EVC: variants seen among roughly 807,000 people sequenced by gnomAD.
EVC encodes the protein evC complex member EVC.
Under a neutral mutation model 118.9 loss-of-function variants are expected in EVC, and 116 were observed. That is an observed-to-expected ratio of 0.98 (90% CI 0.84 to 1.14). EVC has a LOEUF of 1.14. EVC is among the 50% of genes most tolerant of loss of function. The pLI is 0.00. For missense variants in EVC, 1,401 were observed against 1,246.4 expected (o/e 1.12, Z -1.87); for synonymous variants, 619 against 534.7 (o/e 1.16, Z -2.18).
At chr4:5,768,730 G>C (rs1577503488) in intron 11 of EVC, among the ~76,000 whole-genome samples, 2 of 151,978 alleles carry the variant, frequency 1.3e-5, no homozygotes, top group Non-Finnish European at 2.9e-5. Flanking sequence ...GGTGGTGGGT[G>C]CCTGTTATCC....
chr4:5,787,828 C>G (rs1043760465), intron 12 of EVC, among the ~76,000 whole-genome samples: 1 of 152,128 alleles, frequency 6.6e-6, no homozygotes, highest in Non-Finnish European at 1.5e-5. Context: ...CTCCCTCTGG[C>G]TCTGCACCCC....
chr4:5,775,838 A>G (rs935173426), intron 11 of EVC, among the ~76,000 whole-genome samples: 1 of 152,304 alleles, frequency 6.6e-6, no homozygotes, highest in East Asian at 1.9e-4. Flanking sequence ...TATATCTCAT[A>G]TAGTTGTTGA....
At chr4:5,757,157 T>TGGGGA (rs1387329398) in intron 11 of EVC, among the ~76,000 whole-genome samples, 1 of 152,190 alleles carries the variant, frequency 6.6e-6, no homozygotes, top group African/African-American at 2.4e-5. Context: ...GGACTGTGTT[T>TGGGGA]GGGGACCCGA....
intron 6 of EVC, among the ~76,000 whole-genome samples, chr4:5,744,359 T>A (rs1472281090): frequency 6.6e-6 from 1 of 152,212 alleles, no homozygotes; most frequent in Non-Finnish European, 1.5e-5. Context: ...TCAATGTTAT[T>A]TTTCCTAGTG....
At chr4:5,801,671 CAAAAAAAA>C in intron 15 of EVC, 144 of 247,540 alleles carry the variant, frequency 5.8e-4, no homozygotes, top group South Asian at 1.5e-3. Flanking sequence ...GTCTCCATCT[CAAAAAAAA>C]AAAAAAAAAA....
chr4:5,741,756 T>C lies in EVC; in HGVS notation c.743T>C (p.Leu248Pro), dbSNP rs1728617955. 1 of 1,575,418 alleles carries C rather than the reference T, an allele frequency of 6.3e-7. No homozygotes were observed. Among genetic ancestry groups the C allele is most frequent in the Non-Finnish European group, 8.7e-7 (1 of 1,146,356 alleles). Residue 248 changes from leucine to proline, a missense_variant, in exon 6 of 21, where the codon CTT becomes CCT. Leu to Pro is a moderately conservative substitution (Grantham distance 98). Transcript: ENST00000264956. The stretch of plus-strand genomic sequence containing the variant: ...TTTAAAATGTGCCTCCTTGACCTTC[T>C]TCCTAAAAAGAAGTCAGATGATGAA... The part of the protein sequence containing the change: ...QIFKMCLLDL[L>P]PKKKSDDELY...
chr4:5,821,909 C>G, the EVC span: 1 of 1,317,314 alleles, frequency 7.6e-7, no homozygotes, highest in South Asian at 1.3e-5. The surrounding 1 kb of genome is among the most constrained non-coding windows in gnomAD (Gnocchi z 4.4). Context: ...TTCCACGCTG[C>G]TCCTGGAGGC....
Position 5,799,500 on chromosome 4 carries a change from C to T in EVC, c.2304+708C>T, listed in dbSNP as rs547242988. The stretch of plus-strand genomic sequence containing the variant: ...CAGCCTCCAACCTAGTGAGTGGCAG[C>T]GCCGGGGCTGCAGGAGAATGACCAG... On this transcript the variant is annotated intron_variant, in intron 15 of 20. Transcript: ENST00000264956. 1.1e-4 allele frequency among the ~76,000 whole-genome samples: 16 copies of T among 152,298 alleles called. No homozygotes were observed. In the South Asian group the frequency reaches 3.1e-3, roughly 30 times the overall value.
rs1415580862 is a variant in EVC at position 5,811,191 on chromosome 4, C to G, written c.*154C>G. 2 of 673,288 alleles carry G rather than the reference C, an allele frequency of 3.0e-6. No individual in the cohort carries two copies. The highest frequency in any genetic ancestry group is 5.3e-6 in the Non-Finnish European group (2 of 379,294). 41.7% of individuals were successfully genotyped at this position (673,288 alleles called of 1,614,324 possible). On this transcript the variant is annotated 3_prime_UTR_variant, in exon 21 of 21. Transcript: ENST00000264956. Reference sequence around the variant, plus strand: ...GACAGAGAAAGAATAGAAATGTGCCCTAAAAGCATAAATGAGTATCACCTG... The same window carrying G: ...GACAGAGAAAGAATAGAAATGTGCCGTAAAAGCATAAATGAGTATCACCTG...
At chr4:5,806,613 T>C (rs574907230) in intron 17 of EVC, among the ~76,000 whole-genome samples, 49 of 152,332 alleles carry the variant, frequency 3.2e-4, no homozygotes, top group African/African-American at 1.1e-3. Flanking sequence ...CTTAGGTTGA[T>C]TCCATATCTT....
At chr4:5,781,657 C>G (rs1467326949) in intron 11 of EVC, among the ~76,000 whole-genome samples, 1 of 151,994 alleles carries the variant, frequency 6.6e-6, no homozygotes, top group Non-Finnish European at 1.5e-5. Flanking sequence ...AGCAACACAG[C>G]AAAACCTCAT....
At position 5,753,855 on chromosome 4, in the gene EVC, C is replaced by CA. The variant is rs1317662938; in HGVS notation, c.1387dup (p.Thr463AsnfsTer14). 2 of 1,613,966 alleles carry CA rather than the reference C, an allele frequency of 1.2e-6. No individual in the cohort carries two copies. Among genetic ancestry groups the CA allele is most frequent in the Non-Finnish European group, 1.7e-6 (2 of 1,180,032 alleles). ...ACCAGGTGGAGGGAACGGCAAAACT[C>CA]ACGCTGGCCCAAGAGGAGGAACAGA... On this transcript the variant is annotated frameshift_variant, in exon 10 of 21. Transcript: ENST00000264956. LOFTEE classifies it high-confidence loss of function.
At chr4:5,820,950 C>T in the EVC span, 4 of 152,250 alleles carry the variant, frequency 2.6e-5, no homozygotes, top group African/African-American at 9.6e-5. Flanking sequence ...GACCAGGACT[C>T]AGGCCACGCA....
intron 11 of EVC, among the ~76,000 whole-genome samples, chr4:5,780,089 A>G (rs1043111297): frequency 6.6e-6 from 1 of 152,274 alleles, no homozygotes; most frequent in South Asian, 2.1e-4. Flanking sequence ...TTCTGCATCT[A>G]TTGAGATAAT....
chr4:5,756,757 C>T lies in EVC; in HGVS notation c.1563+395C>T, dbSNP rs758028500. On this transcript the variant is annotated intron_variant, in intron 11 of 20. Transcript: ENST00000264956. The surrounding 1 kb of genome is among the most constrained non-coding windows in gnomAD (Gnocchi z 4.2). ...ACGTCAGAGATCACATGCCACACCA[C>T]CTCTTTCCCCTGTGCAACCGTGTGC... Among the ~76,000 whole-genome samples the T allele has an allele frequency of 3.3e-5, 5 of 152,126 alleles. No homozygotes were observed. The highest frequency in any genetic ancestry group is 4.8e-5 in the African/African-American group (2 of 41,436).
intron 11 of EVC, among the ~76,000 whole-genome samples, chr4:5,759,203 C>G (rs891600649): frequency 2.6e-5 from 4 of 152,132 alleles, no homozygotes; most frequent in African/African-American, 7.2e-5. Flanking sequence ...CGCAGAGGGT[C>G]AGTCTGAGGA....
intron 11 of EVC, among the ~76,000 whole-genome samples, chr4:5,762,649 C>G (rs1225962851): frequency 6.7e-6 from 1 of 149,928 alleles, no homozygotes; most frequent in Non-Finnish European, 1.5e-5. Flanking sequence ...TCTCTGATGG[C>G]CATTGATGGT....
intron 7 of EVC, among the ~76,000 whole-genome samples, chr4:5,747,723 AG>A (rs1356742415): frequency 3.3e-5 from 5 of 152,256 alleles, no homozygotes; most frequent in Non-Finnish European, 7.3e-5. Flanking sequence ...TTGTACTTTT[AG>A]GACAATAACT....
chr4:5,793,631 G>T lies in EVC; in HGVS notation c.1800G>T (p.Leu600=), dbSNP rs1713204688. 1.3e-6 allele frequency: 2 copies of T among 1,551,884 alleles called. No individual in the cohort carries two copies. Among genetic ancestry groups the T allele is most frequent in the East Asian group, 2.4e-5 (1 of 41,028 alleles). Residue 600 remains leucine, a synonymous_variant, in exon 13 of 21, where the codon CTG becomes CTT. Transcript: ENST00000264956. ...DQQVWMEECA[L]SSVLQTHLRE... ...AGGTGTGGATGGAGGAGTGTGCGCT[G>T]TCCAGCGTGCTGCAGACACACCTGC...
Sources: gnomAD v4.1 joint callset for allele counts (sites outside exome capture counted in the v4.1 genomes callset) on GRCh38, gnomAD v4.1.1 for gene constraint, Gnocchi (gnomAD v3.1) non-coding constraint, MANE v1.5 for transcripts, NCBI Gene and HGNC (gene_info 2026-07-23, HGNC 2026-07-21) for gene names.